The following TBC1D32 variants were observed in gnomAD, a reference collection of about 807,000 sequenced individuals.
TBC1D32 encodes the protein TBC1 domain family member 32.
Under a neutral mutation model 170.3 loss-of-function variants are expected in TBC1D32, and 151 were observed. That is an observed-to-expected ratio of 0.89 (90% CI 0.78 to 1.01). TBC1D32 has a LOEUF of 1.01. Among genes scored for constraint, TBC1D32 ranks in the 50% least tolerant of loss-of-function variants. The pLI, the probability that TBC1D32 is intolerant of heterozygous loss-of-function variation, is 0.00. For synonymous variants in TBC1D32, 498 were observed against 488.0 expected (o/e 1.02, Z -0.27); for missense variants, 1,464 against 1,457.1 (o/e 1.00, Z -0.08).
In TBC1D32 at chr6:121,131,723, G is replaced by A. The variant is rs754938090; in HGVS notation, c.2803C>T (p.Leu935Phe). ...TCAGTTTGTTTATCAGATATTTTGA[G>A]GCATAATAAAAGCTTGTCAAGATCA... is the stretch of plus-strand genomic sequence containing the variant. ...DNDLDKLLLC[L>F]KISDKQTEWI... The change falls in exon 25 of 32, where the codon CTC (leucine) becomes TTC (phenylalanine). Residue 935 changes from leucine (L) to phenylalanine (F), a missense_variant. Physicochemically the swap from Leu to Phe is conservative, Grantham distance 22. Coordinates refer to ENST00000398212, the MANE Select transcript of TBC1D32 (RefSeq NM_152730.6). 6.2e-6 allele frequency: 10 copies of A among 1,604,530 alleles called. No homozygotes were observed. Among genetic ancestry groups the A allele is most frequent in the South Asian group, 2.2e-5 (2 of 90,648 alleles).
rs994190794 is a variant in TBC1D32 at position 121,256,919 on chromosome 6, G to A, written c.1734-634C>T. The stretch of plus-strand genomic sequence containing the variant: ...ACTCCTGACCTCAGGTGATAAACCC[G>A]CCTCAGCCTCCCAAAGTGCTGGGAT... On this transcript the variant is annotated intron_variant, in intron 15 of 31. Coordinates refer to ENST00000398212, the MANE Select transcript of TBC1D32 (RefSeq NM_152730.6). 1.3e-3 allele frequency among the ~76,000 whole-genome samples: 204 copies of A among 152,114 alleles called. 3 individuals are homozygous for A. The highest frequency in any genetic ancestry group is 2.4e-4 in the Non-Finnish European group (16 of 67,980).
intron 20 of TBC1D32, among the ~76,000 whole-genome samples, chr6:121,230,784 T>TA (rs1418768146): frequency 1.3e-5 from 2 of 151,886 alleles, no homozygotes; most frequent in Non-Finnish European, 2.9e-5. Flanking sequence ...ATGGTGTTTC[T>TA]AGTCATTTAT....
chr6:121,299,434 T>A lies in TBC1D32; in HGVS notation c.1140+12A>T. ...ATTATTTCTCAACATAAAAACAGAA[T>A]TACAGACTTACCAGAGACTTATATT... is the stretch of plus-strand genomic sequence containing the variant. On this transcript the variant is annotated intron_variant, in intron 10 of 31. Coordinates refer to ENST00000398212, the MANE Select transcript of TBC1D32 (RefSeq NM_152730.6). 1 of 1,494,150 alleles carries A rather than the reference T, an allele frequency of 6.7e-7. No homozygotes were observed. Among genetic ancestry groups the A allele is most frequent in the Non-Finnish European group, 9.1e-7 (1 of 1,092,940 alleles). 92.6% of individuals were successfully genotyped at this position (1,494,150 alleles called of 1,614,324 possible). A position where few individuals can be genotyped will look rare whatever the true frequency, so the allele number is the denominator to read the frequency against.
intron 4 of TBC1D32, among the ~76,000 whole-genome samples, chr6:121,310,050 T>A (rs973955946): frequency 2.0e-5 from 3 of 151,510 alleles, no homozygotes; most frequent in Admixed American, 6.6e-5. Flanking sequence ...TATATATATA[T>A]AAAATTTTTC....
intron 30 of TBC1D32, among the ~76,000 whole-genome samples, chr6:121,099,249 T>C (rs945920489): frequency 5.3e-5 from 8 of 151,928 alleles, no homozygotes; most frequent in Non-Finnish European, 1.2e-4. Context: ...ACATGGTACT[T>C]CTTAAGCCAG....
chr6:121,198,260 A>ATATTAT (rs1791078279), intron 22 of TBC1D32, among the ~76,000 whole-genome samples: 1 of 139,706 alleles, frequency 7.2e-6, no homozygotes, highest in African/African-American at 2.7e-5. Context: ...ATATATATAT[A>ATATTAT]ATATATATAT....
At chr6:121,138,358 G>C (rs1044158358) in intron 24 of TBC1D32, among the ~76,000 whole-genome samples, 1 of 152,102 alleles carries the variant, frequency 6.6e-6, no homozygotes, top group Non-Finnish European at 1.5e-5. Context: ...AACAAATGAA[G>C]AATTAGTCTT....
intron 20 of TBC1D32, among the ~76,000 whole-genome samples, chr6:121,225,381 A>G (rs1043135703): frequency 1.2e-4 from 19 of 152,068 alleles, no homozygotes; most frequent in Non-Finnish European, 2.5e-4. Flanking sequence ...GGATACTATC[A>G]TGAATAAATC....
chr6:121,186,966 G>A (rs1583131996), intron 22 of TBC1D32, among the ~76,000 whole-genome samples: 1 of 152,060 alleles, frequency 6.6e-6, no homozygotes, highest in East Asian at 1.9e-4. Context: ...AAGCACTCTT[G>A]TAACTACTAG....
At chr6:121,210,194 G>A (rs1221279507) in intron 21 of TBC1D32, among the ~76,000 whole-genome samples, 2 of 151,924 alleles carry the variant, frequency 1.3e-5, no homozygotes, top group East Asian at 3.9e-4. Context: ...TTAAAATTTA[G>A]AAGAAAAAGA....
chr6:121,226,755 T>C (rs969788118), intron 20 of TBC1D32, among the ~76,000 whole-genome samples: 1 of 152,144 alleles, frequency 6.6e-6, no homozygotes, highest in Non-Finnish European at 1.5e-5. Flanking sequence ...TAAAGTAGTA[T>C]GGTCACGAAG....
At chr6:121,158,820 G>A (rs961981497) in intron 24 of TBC1D32, among the ~76,000 whole-genome samples, 1 of 152,134 alleles carries the variant, frequency 6.6e-6, no homozygotes, top group Non-Finnish European at 1.5e-5. Flanking sequence ...CCTGCAGATA[G>A]GCCATGTAGC....
At position 121,106,096 on chromosome 6, in the gene TBC1D32, A is replaced by G. The variant is rs1160427319; in HGVS notation, c.3392T>C (p.Ile1131Thr). 15 of 1,608,534 alleles carry G rather than the reference A, an allele frequency of 9.3e-6. No individual in the cohort carries two copies. The highest frequency in any genetic ancestry group is 1.1e-5 in the Non-Finnish European group (13 of 1,176,278). The part of the protein sequence containing the change: ...HPVYFCSTHY[I>T]EMLLKAELPL... Reference sequence around the variant, plus strand: ...CAACTCAGCCTTCAGTAGCATTTCAATATAATGGGTGCTGCAAAAATATAC... The same window carrying G: ...CAACTCAGCCTTCAGTAGCATTTCAGTATAATGGGTGCTGCAAAAATATAC... The change falls in exon 30 of 32, where the codon ATT (isoleucine) becomes ACT (threonine). Residue 1131 changes from isoleucine to threonine, a missense_variant. Around this residue, in one of 3 missense-constraint regions of TBC1D32, gnomAD observed 1,363 missense variants for 1,338.1 expected, o/e 1.02. Coordinates refer to ENST00000398212, the MANE Select transcript of TBC1D32 (RefSeq NM_152730.6).
At chr6:121,158,604 T>C (rs1716713027) in intron 24 of TBC1D32, among the ~76,000 whole-genome samples, 1 of 152,024 alleles carries the variant, frequency 6.6e-6, no homozygotes, top group Admixed American at 6.6e-5. Flanking sequence ...CCATGTGGAG[T>C]GCTGGTGTTC....
At chr6:121,240,533 A>T (rs1460878635) in intron 19 of TBC1D32, among the ~76,000 whole-genome samples, 1 of 151,938 alleles carries the variant, frequency 6.6e-6, no homozygotes. Context: ...AGCCTTGAAA[A>T]AATATTGTCA....
Position 121,204,805 on chromosome 6 carries a change from C to T in TBC1D32, c.2570+270G>A, listed in dbSNP as rs1005202776. Among the ~76,000 whole-genome samples, 9 of 146,540 alleles carry T rather than the reference C, an allele frequency of 6.1e-5. 1 individual carries two copies. Among genetic ancestry groups the T allele is most frequent in the African/African-American group, 1.9e-4 (7 of 36,204 alleles). ...AAGGTCAAGTTGACTCCTGAGTACA[C>T]TAAATGAAATAGTCCCTAAAATGCC... On this transcript the variant is annotated intron_variant, in intron 22 of 31. Coordinates refer to ENST00000398212, the MANE Select transcript of TBC1D32 (RefSeq NM_152730.6).
intron 15 of TBC1D32, among the ~76,000 whole-genome samples, chr6:121,278,529 A>G (rs539656256): frequency 2.0e-5 from 3 of 152,136 alleles, no homozygotes; most frequent in Non-Finnish European, 4.4e-5. Context: ...ATTCCTAGAC[A>G]CAATCTGATG....
intron 15 of TBC1D32, among the ~76,000 whole-genome samples, chr6:121,259,957 C>T (rs927353091): frequency 3.9e-5 from 6 of 152,050 alleles, no homozygotes; most frequent in African/African-American, 1.2e-4. Flanking sequence ...AGGATTCAAT[C>T]GAAGTTTATA....
chr6:121,297,340 A>G (rs1462479583), intron 10 of TBC1D32, among the ~76,000 whole-genome samples: 1 of 152,030 alleles, frequency 6.6e-6, no homozygotes, highest in Non-Finnish European at 1.5e-5. Flanking sequence ...GTTAACCCCT[A>G]AGACAGAAAT....
Sources: gnomAD v4.1 joint callset for allele counts (sites outside exome capture counted in the v4.1 genomes callset) on GRCh38, gnomAD v4.1.1 for gene constraint, gnomAD v4.1.1 regional missense constraint, MANE v1.5 for transcripts, NCBI Gene and HGNC (gene_info 2026-07-23, HGNC 2026-07-21) for gene names.